PRR5: variants seen among roughly 807,000 people sequenced by gnomAD.
The protein encoded by PRR5 is proline rich 5, also known as proline-rich protein 5.
A neutral mutation model predicts 30.6 loss-of-function variants in PRR5; 25 were observed. The observed-to-expected ratio is 0.82, with a 90% CI of 0.60 to 1.14. PRR5 has a LOEUF of 1.14. PRR5 is among the 50% of genes most tolerant of loss of function. PRR5 has a pLI of 0.00. For missense variants in PRR5, 600 were observed against 547.1 expected (o/e 1.10, Z -0.96); for synonymous variants, 286 against 247.1 (o/e 1.16, Z -1.48).
At chr22:44,725,965 A>C (rs1316398787) in intron 3 of PRR5, among the ~76,000 whole-genome samples, 1 of 152,140 alleles carries the variant, frequency 6.6e-6, no homozygotes, top group African/African-American at 2.4e-5. Flanking sequence ...GCGCCCGACC[A>C]ATTCTGTACA....
chr22:44,730,109 G>A, intron 4 of PRR5: 1 of 985,392 alleles, frequency 1.0e-6, no homozygotes, highest in Non-Finnish European at 1.2e-6. Flanking sequence ...GGCTGCCCCT[G>A]GCGGGGTCCC....
At chr22:44,720,877 G>T (rs975196316) in intron 2 of PRR5, among the ~76,000 whole-genome samples, 2 of 152,194 alleles carry the variant, frequency 1.3e-5, no homozygotes, top group Non-Finnish European at 2.9e-5. Context: ...CAGGGGAGCC[G>T]GAGAGGTGGC....
At chr22:44,679,802 G>C (rs777285618) in intron 1 of PRR5, 1 of 1,597,730 alleles carries the variant, frequency 6.3e-7, no homozygotes, top group Admixed American at 1.7e-5. Context: ...ATAGAGCCAT[G>C]GTGTGTTTGG....
At chr22:44,734,586 G>A (rs132406) in intron 6 of PRR5, 83,151 of 159,600 alleles carry the variant, frequency 0.52, 24,891 homozygotes, top group Non-Finnish European at 0.66. Context: ...GGGCTTGTGA[G>A]GTGGTCCCTG....
chr22:44,713,909 C>T (rs1361365459), intron 1 of PRR5, among the ~76,000 whole-genome samples: 1 of 152,136 alleles, frequency 6.6e-6, no homozygotes, highest in Non-Finnish European at 1.5e-5. Flanking sequence ...GTTCACGCCA[C>T]TCTCCTGCCT....
At chr22:44,682,566 A>C (rs1924393257) in intron 1 of PRR5, among the ~76,000 whole-genome samples, 1 of 152,174 alleles carries the variant, frequency 6.6e-6, no homozygotes, top group Non-Finnish European at 1.5e-5. Flanking sequence ...TGGTGAAGAC[A>C]TGGAGGCCGG....
chr22:44,675,762 G>GTTGTTATTATTATTATTA (rs1555894616), upstream of PRR5, among the ~76,000 whole-genome samples: 1 of 142,962 alleles, frequency 7.0e-6, no homozygotes, highest in East Asian at 2.0e-4. Context: ...TGTTGCTGTT[G>GTTGTTATTATTATTATTA]TTATTATTAT....
In PRR5 at chr22:44,732,328, T is replaced by G. The variant is rs1193410457; in HGVS notation, c.492T>G (p.Asp164Glu). 1 of 1,612,314 alleles carries G rather than the reference T, an allele frequency of 6.2e-7. No individual in the cohort carries two copies. The highest frequency in any genetic ancestry group is 1.7e-5 in the Admixed American group (1 of 60,020). ...NAITLSVKLE[D>E]ALARAHARVP... Reference sequence around the variant, plus strand: ...TCACCCTCAGTGTGAAGCTAGAGGATGCGCTGGCCCGGGCCCATGCCCGTG... The same window carrying G: ...TCACCCTCAGTGTGAAGCTAGAGGAGGCGCTGGCCCGGGCCCATGCCCGTG... Residue 164 changes from aspartate to glutamate, a missense_variant, in exon 6 of 8, where the codon GAT becomes GAG. Transcript: ENST00000336985.
chr22:44,708,078 A>G (rs906555133), intron 1 of PRR5, among the ~76,000 whole-genome samples: 2 of 152,128 alleles, frequency 1.3e-5, no homozygotes, highest in Non-Finnish European at 2.9e-5. Context: ...TCATGCCTGT[A>G]ATCCCAGCTA....
upstream of PRR5, among the ~76,000 whole-genome samples, chr22:44,674,532 C>T (rs1923607570): frequency 1.3e-5 from 2 of 151,782 alleles, no homozygotes. Context: ...ACCATCCTGG[C>T]TAACACGGTG....
chr22:44,678,394 C>G (rs960117397), intron 1 of PRR5, among the ~76,000 whole-genome samples: 25 of 148,734 alleles, frequency 1.7e-4, no homozygotes, highest in African/African-American at 6.2e-4. Context: ...GCAATCTCGG[C>G]TCACTGCAGC....
chr22:44,711,224 A>C (rs1436725969), intron 1 of PRR5, among the ~76,000 whole-genome samples: 6 of 152,200 alleles, frequency 3.9e-5, no homozygotes, highest in Admixed American at 6.5e-5. Flanking sequence ...GTGGGGCGTC[A>C]GGAGGTCTAA....
chr22:44,693,111 G>A (rs969773070), intron 1 of PRR5, among the ~76,000 whole-genome samples: 3 of 152,272 alleles, frequency 2.0e-5, no homozygotes, highest in African/African-American at 4.8e-5. Context: ...GAAAGGCAAC[G>A]TATTTGTGTC....
intron 2 of PRR5, among the ~76,000 whole-genome samples, chr22:44,720,229 G>A (rs946828268): frequency 6.6e-5 from 10 of 152,264 alleles, no homozygotes; most frequent in Non-Finnish European, 1.3e-4. Context: ...CAGGTCTCAC[G>A]TGCAGGCCAG....
intron 6 of PRR5, among the ~76,000 whole-genome samples, chr22:44,732,745 C>T (rs980460786): frequency 1.1e-4 from 16 of 150,764 alleles, no homozygotes; most frequent in Admixed American, 3.9e-4. Flanking sequence ...ACACCACACA[C>T]GTGTGCACGC....
At chr22:44,726,709 G>T (rs1920961540) in intron 4 of PRR5, 75 bp downstream of exon 4, 1 of 1,606,840 alleles carries the variant, frequency 6.2e-7, no homozygotes, top group African/African-American at 1.3e-5. Context: ...TGGGCCTCGT[G>T]CTGGGGGCCT....
intron 6 of PRR5, among the ~76,000 whole-genome samples, chr22:44,732,916 A>G (rs1373590949): frequency 9.2e-6 from 1 of 109,102 alleles, no homozygotes; most frequent in African/African-American, 4.5e-5. Flanking sequence ...TACACACTAC[A>G]CACGTGCGCA....
chr22:44,735,727 C>T (rs963834301), intron 7 of PRR5, among the ~76,000 whole-genome samples: 1 of 152,208 alleles, frequency 6.6e-6, no homozygotes, highest in Non-Finnish European at 1.5e-5. Context: ...AGTGAGTCTC[C>T]TCCACGACCC....
At chr22:44,677,726 G>A (rs1292043736) in intron 1 of PRR5, among the ~76,000 whole-genome samples, 3 of 152,216 alleles carry the variant, frequency 2.0e-5, no homozygotes, top group Admixed American at 6.5e-5. Flanking sequence ...TGGGCTCAGT[G>A]CCTGGGCCTG....
Sources: allele counts gnomAD v4.1 joint callset (sites outside exome capture counted in the v4.1 genomes callset), GRCh38; gene constraint gnomAD v4.1.1; transcripts MANE v1.5; gene names NCBI Gene and HGNC (gene_info 2026-07-23, HGNC 2026-07-21).